The following NAV2 variants were observed in gnomAD, a reference collection of about 807,000 sequenced individuals.
NAV2 encodes neuron navigator 2.
Under a neutral mutation model 223.2 loss-of-function variants are expected in NAV2, and 54 were observed. The observed-to-expected ratio is 0.24, with a 90% CI of 0.19 to 0.30. The LOEUF is 0.30. Among genes scored for constraint, NAV2 ranks in the 10% least tolerant of loss-of-function variants. The pLI is 1.00. For missense variants in NAV2, 2,806 were observed against 3,147.5 expected (o/e 0.89, Z 2.60); for synonymous variants, 1,279 against 1,239.3 (o/e 1.03, Z -0.67).
At chr11:20,076,661 C>T (rs1305986886) in intron 22 of NAV2, among the ~76,000 whole-genome samples, 4 of 152,206 alleles carry the variant, frequency 2.6e-5, no homozygotes, top group South Asian at 2.1e-4. Context: ...CAGTCAAAAG[C>T]TTAGTGTTAG....
intron 8 of NAV2, among the ~76,000 whole-genome samples, chr11:19,945,163 T>TG (rs1565615057): frequency 0.012 from 188 of 15,636 alleles, 1 homozygote; most frequent in African/African-American, 0.033. Context: ...CTCCCTTCCC[T>TG]TCCCTTCCCT....
chr11:19,774,796 A>G (rs1177902346), intron 1 of NAV2, among the ~76,000 whole-genome samples: 1 of 152,108 alleles, frequency 6.6e-6, no homozygotes, highest in Non-Finnish European at 1.5e-5. Flanking sequence ...CTCTTTAATT[A>G]AAGCTGAGGC....
intron 1 of NAV2, among the ~76,000 whole-genome samples, chr11:19,493,474 A>T (rs1036424296): frequency 3.9e-5 from 6 of 152,250 alleles, no homozygotes; most frequent in African/African-American, 1.4e-4. Context: ...TGGTATGTCC[A>T]TGAGCATGAA....
At chr11:19,993,262 T>C (rs1032828827) in intron 11 of NAV2, among the ~76,000 whole-genome samples, 1 of 152,220 alleles carries the variant, frequency 6.6e-6, no homozygotes, top group African/African-American at 2.4e-5. Flanking sequence ...GGAAGGCTAT[T>C]TGTACATCAT....
chr11:20,108,371 C>CT (rs1188714872), intron 36 of NAV2, among the ~76,000 whole-genome samples: 2 of 152,218 alleles, frequency 1.3e-5, no homozygotes, highest in Non-Finnish European at 2.9e-5. Context: ...ATCAGCACCC[C>CT]TACCCTCTTA....
chr11:19,347,925 G>T (rs1853092306), upstream of NAV2, among the ~76,000 whole-genome samples: 2 of 152,188 alleles, frequency 1.3e-5, no homozygotes, highest in South Asian at 4.1e-4. Context: ...ACTGGATGTG[G>T]CAGCTAGCTA....
At chr11:19,777,545 C>T (rs1328943457) in intron 1 of NAV2, 5 of 455,316 alleles carry the variant, frequency 1.1e-5, no homozygotes, top group Admixed American at 2.4e-5. Context: ...ACCGCACCCC[C>T]TGGGCGCTGC....
chr11:19,682,887 A>C (rs2048916966), intron 1 of NAV2, among the ~76,000 whole-genome samples: 1 of 152,178 alleles, frequency 6.6e-6, no homozygotes, highest in African/African-American at 2.4e-5. Context: ...GAGGACAAAC[A>C]TCCAAAACAT....
intron 1 of NAV2, among the ~76,000 whole-genome samples, chr11:19,605,586 C>T (rs963468244): frequency 6.6e-6 from 1 of 151,192 alleles, no homozygotes; most frequent in Non-Finnish European, 1.5e-5. Flanking sequence ...CTCTACTTAG[C>T]TGAGACCTGT....
At chr11:19,857,691 A>C (rs1416579587) in intron 3 of NAV2, among the ~76,000 whole-genome samples, 1 of 151,936 alleles carries the variant, frequency 6.6e-6, no homozygotes, top group Non-Finnish European at 1.5e-5. Flanking sequence ...GTCCAAGTTT[A>C]TGTCCTCTTC....
intron 1 of NAV2, among the ~76,000 whole-genome samples, chr11:19,646,425 G>A (rs1476401914): frequency 6.6e-6 from 1 of 152,182 alleles, no homozygotes; most frequent in African/African-American, 2.4e-5. Flanking sequence ...AGAAAGTTTG[G>A]CAGGCAGGCT....
chr11:19,572,346 T>A (rs2045452444), intron 1 of NAV2, among the ~76,000 whole-genome samples: 1 of 152,228 alleles, frequency 6.6e-6, no homozygotes, highest in Non-Finnish European at 1.5e-5. Context: ...GACTTGGGGA[T>A]ATGGCATCAG....
chr11:19,455,526 G>A (rs1851930478), intron 1 of NAV2, among the ~76,000 whole-genome samples: 2 of 151,982 alleles, frequency 1.3e-5, no homozygotes, highest in Non-Finnish European at 2.9e-5. Context: ...TTTCTACAAG[G>A]CAAGAATAGC....
intron 1 of NAV2, among the ~76,000 whole-genome samples, chr11:19,410,904 C>T (rs971790461): frequency 1.3e-5 from 2 of 151,986 alleles, no homozygotes; most frequent in African/African-American, 4.8e-5. Context: ...TGGATGTGTG[C>T]ACAGAGAGCA....
At chr11:19,684,896 A>G (rs142008355) in intron 1 of NAV2, among the ~76,000 whole-genome samples, 3 of 152,294 alleles carry the variant, frequency 2.0e-5, no homozygotes, top group African/African-American at 7.2e-5. Flanking sequence ...ATTATAACCC[A>G]TGGCCTCTCA....
intron 1 of NAV2, among the ~76,000 whole-genome samples, chr11:19,398,048 T>C (rs1001964024): frequency 2.0e-5 from 3 of 152,178 alleles, no homozygotes; most frequent in Non-Finnish European, 4.4e-5. Flanking sequence ...CCCCGCGTAT[T>C]AGATCATTCT....
intron 1 of NAV2, among the ~76,000 whole-genome samples, chr11:19,769,444 CT>C (rs1201749918): frequency 6.6e-6 from 1 of 152,218 alleles, no homozygotes; most frequent in East Asian, 1.9e-4. Flanking sequence ...CCTCTCTGGA[CT>C]TTTGGATAGA....
At chr11:19,566,030 A>ATATTTTATTT (rs1252750763) in intron 1 of NAV2, among the ~76,000 whole-genome samples, 342 of 95,888 alleles carry the variant, frequency 3.6e-3, no homozygotes, top group African/African-American at 0.013. Flanking sequence ...CTATCCAAGG[A>ATATTTTATTT]GATTTTATTT....
intron 3 of NAV2, among the ~76,000 whole-genome samples, chr11:19,850,979 C>CT (rs760439604): frequency 1.3e-5 from 2 of 152,232 alleles, no homozygotes; most frequent in Non-Finnish European, 2.9e-5. Context: ...ACCTCTCATT[C>CT]TTTCCCCTCA....
Sources: allele counts gnomAD v4.1 joint callset (sites outside exome capture counted in the v4.1 genomes callset), GRCh38; gene constraint gnomAD v4.1.1; transcripts MANE v1.5; gene names NCBI Gene and HGNC (gene_info 2026-07-23, HGNC 2026-07-21).